Variants in UBE2E2 observed in about 807,000 individuals in gnomAD.
UBE2E2 encodes the protein ubiquitin-conjugating enzyme E2 E2.
In UBE2E2, 6 loss-of-function variants were observed where a neutral mutation model predicts 24.7. The observed-to-expected ratio is 0.24, with a 90% CI of 0.13 to 0.48. The LOEUF (loss-of-function observed/expected upper bound fraction) is 0.48. Ranked by LOEUF, UBE2E2 falls within the 20% of genes least tolerant of loss-of-function variation. UBE2E2 has a pLI of 0.99. For synonymous variants in UBE2E2, 104 were observed against 83.6 expected (o/e 1.24, Z -1.33); for missense variants, 169 against 245.0 (o/e 0.69, Z 2.07).
In UBE2E2 at chr3:23,513,671, C is replaced by T. The variant is rs558803792; in HGVS notation, c.360+13931C>T. Among the ~76,000 whole-genome samples the T allele has an allele frequency of 1.3e-4, 20 of 152,274 alleles. No homozygotes were observed. In the South Asian group the frequency reaches 3.5e-3, roughly 27 times the overall value. On this transcript the variant is annotated intron_variant, in intron 4 of 5. Coordinates refer to ENST00000396703, the MANE Select transcript of UBE2E2 (RefSeq NM_152653.4). ...AAGAAGCTATACAAAGTTATACTCC[C>T]AACTTAGGCACACCTGCCTCTTTTC...
chr3:23,215,590 G>A (rs1376762636), intron 2 of UBE2E2, among the ~76,000 whole-genome samples: 3 of 151,966 alleles, frequency 2.0e-5, no homozygotes, highest in African/African-American at 7.3e-5. Flanking sequence ...TTAGTAGTCT[G>A]TTTTATTGGT....
chr3:23,492,613 C>G (rs535395418), intron 3 of UBE2E2, among the ~76,000 whole-genome samples: 2 of 152,264 alleles, frequency 1.3e-5, no homozygotes, highest in African/African-American at 2.4e-5. Context: ...TCCATGAATA[C>G]TAATTTTAAA....
At chr3:23,217,707 T>A (rs774792804) in intron 3 of UBE2E2, among the ~76,000 whole-genome samples, 19 of 152,108 alleles carry the variant, frequency 1.2e-4, no homozygotes, top group Non-Finnish European at 5.9e-5. Flanking sequence ...TTTTTAAAAA[T>A]GCAGACACAT....
intron 3 of UBE2E2, among the ~76,000 whole-genome samples, chr3:23,496,816 T>C (rs1699612275): frequency 6.6e-6 from 1 of 152,164 alleles, no homozygotes; most frequent in Non-Finnish European, 1.5e-5. Context: ...AGGTGTACAG[T>C]TGACCCTTGA....
At position 23,493,237 on chromosome 3, in the gene UBE2E2, G is replaced by A. The variant is rs117300127; in HGVS notation, c.228-6371G>A. Among the ~76,000 whole-genome samples, 152 of 152,274 alleles carry A rather than the reference G, an allele frequency of 1.0e-3. 4 individuals are homozygous for A. In the East Asian group the frequency reaches 0.025, roughly 25 times the overall value. The stretch of plus-strand genomic sequence containing the variant: ...ACAGGTGTGGCACAGCAGATTGAAA[G>A]TATTCAGTATATCTAAAGCATCTTA... On this transcript the variant is annotated intron_variant, in intron 3 of 5. Coordinates refer to ENST00000396703, the MANE Select transcript of UBE2E2 (RefSeq NM_152653.4).
chr3:23,252,413 A>G (rs1013230620), intron 3 of UBE2E2, among the ~76,000 whole-genome samples: 1 of 152,214 alleles, frequency 6.6e-6, no homozygotes, highest in Non-Finnish European at 1.5e-5. Context: ...TCTGCAGACA[A>G]TGTGTATGAA....
chr3:23,402,570 T>C (rs1332259380), intron 3 of UBE2E2, among the ~76,000 whole-genome samples: 1 of 152,188 alleles, frequency 6.6e-6, no homozygotes, highest in East Asian at 1.9e-4. Context: ...TTTTCAACCA[T>C]CTTTGGTTTG....
At chr3:23,265,839 G>A (rs1698033615) in intron 3 of UBE2E2, among the ~76,000 whole-genome samples, 1 of 152,178 alleles carries the variant, frequency 6.6e-6, no homozygotes, top group South Asian at 2.1e-4. Context: ...CCTGTGTTGG[G>A]TGCATATATA....
In UBE2E2 at chr3:23,583,277, C is replaced by T. The variant is rs1462175524; in HGVS notation, c.509-6457C>T. On this transcript the variant is annotated intron_variant, in intron 5 of 5. Transcript: ENST00000396703. The surrounding 1 kb of genome is among the most constrained non-coding windows in gnomAD (Gnocchi z 4.1). ...TATTTCTGGGCTCTTTATTTTGTTC[C>T]ACTAGTCTATGTGTCTGTTTTTGTA... 6.6e-6 allele frequency among the ~76,000 whole-genome samples: 1 copy of T among 152,068 alleles called. No individual in the cohort carries two copies. Among genetic ancestry groups the T allele is most frequent in the Non-Finnish European group, 1.5e-5 (1 of 68,020 alleles).
intron 3 of UBE2E2, among the ~76,000 whole-genome samples, chr3:23,450,128 T>C (rs1698529842): frequency 6.6e-6 from 1 of 152,220 alleles, no homozygotes; most frequent in South Asian, 2.1e-4. Flanking sequence ...CCTGCTTTTA[T>C]CCCCTTGCTT....
rs529833371 is a variant in UBE2E2, at chr3:23,345,952, G to T, written c.227+128640G>T. Among the ~76,000 whole-genome samples the T allele has an allele frequency of 1.7e-4, 26 of 152,170 alleles. No homozygotes were observed. The East Asian group carries it at 1.7e-3, about 10-fold the overall frequency. On this transcript the variant is annotated intron_variant, in intron 3 of 5. Coordinates refer to ENST00000396703, the MANE Select transcript of UBE2E2 (RefSeq NM_152653.4). ...GGAGGAAGAAAAACATCTCACCAAC[G>T]GCAGACAGCAGAAACTAATGGTTTT...
intron 5 of UBE2E2, among the ~76,000 whole-genome samples, chr3:23,572,949 T>A (rs572765424): frequency 6.8e-4 from 104 of 152,250 alleles, no homozygotes; most frequent in Admixed American, 2.0e-3. Context: ...GATGACATTA[T>A]TTAGAGGGAC....
chr3:23,440,534 C>G (rs572486167), intron 3 of UBE2E2, among the ~76,000 whole-genome samples: 5 of 152,260 alleles, frequency 3.3e-5, no homozygotes, highest in Admixed American at 2.6e-4. Context: ...AGAAATCTTT[C>G]AGCAACAAAA....
chr3:23,232,838 G>A (rs544149563), intron 3 of UBE2E2, among the ~76,000 whole-genome samples: 2 of 152,276 alleles, frequency 1.3e-5, no homozygotes, highest in South Asian at 2.1e-4. Context: ...ATAGGCAAAG[G>A]CACTATTCTG....
At chr3:23,362,564 G>C (rs891996098) in intron 3 of UBE2E2, among the ~76,000 whole-genome samples, 1 of 152,128 alleles carries the variant, frequency 6.6e-6, no homozygotes, top group African/African-American at 2.4e-5. Context: ...GTCTGAACTC[G>C]GACAGAGGTC....
chr3:23,320,453 G>T (rs187730003), intron 3 of UBE2E2, among the ~76,000 whole-genome samples: 291 of 152,314 alleles, frequency 1.9e-3, no homozygotes, highest in Middle Eastern at 3.4e-3. Context: ...TACATGCACA[G>T]AGGTGTGCAA....
In UBE2E2 at chr3:23,242,614, G is replaced by A. The variant is rs562521852; in HGVS notation, c.227+25302G>A. On this transcript the variant is annotated intron_variant, in intron 3 of 5. Transcript: ENST00000396703. ...TTCTGTTGACAGTATGGAGCACTTT[G>A]CAGATGGATATCAGGTTAATTGTTA... Among the ~76,000 whole-genome samples, 17 of 152,130 alleles carry A rather than the reference G, an allele frequency of 1.1e-4. 2 individuals are homozygous for A. The highest frequency in any genetic ancestry group is 3.9e-4 in the African/African-American group (16 of 41,488).
At chr3:23,203,531 C>T (rs1174748571) in intron 1 of UBE2E2, 67 bp downstream of exon 1, 19 of 935,154 alleles carry the variant, frequency 2.0e-5, no homozygotes, top group Non-Finnish European at 2.4e-5. Flanking sequence ...ACGTCCTCCT[C>T]ACTCCCCCGA....
intron 3 of UBE2E2, among the ~76,000 whole-genome samples, chr3:23,430,744 C>T (rs1698041681): frequency 6.6e-6 from 1 of 152,140 alleles, no homozygotes; most frequent in African/African-American, 2.4e-5. Context: ...TGGTCTTGAA[C>T]TCCTTGCCTC....
Sources: gnomAD v4.1 joint callset for allele counts (sites outside exome capture counted in the v4.1 genomes callset) on GRCh38, gnomAD v4.1.1 for gene constraint, Gnocchi (gnomAD v3.1) non-coding constraint, MANE v1.5 for transcripts, NCBI Gene and HGNC (gene_info 2026-07-23, HGNC 2026-07-21) for gene names.